Variants in KIF13A observed in about 807,000 individuals in gnomAD.
The protein encoded by KIF13A is kinesin-like protein KIF13A.
A neutral mutation model predicts 212.2 loss-of-function variants in KIF13A; 79 were observed. The observed-to-expected ratio is 0.37, with a 90% CI of 0.31 to 0.45. The LOEUF (loss-of-function observed/expected upper bound fraction) is 0.45. Among genes scored for constraint, KIF13A ranks in the 20% least tolerant of loss-of-function variants. KIF13A has a pLI of 1.00. For missense variants in KIF13A, 1,901 were observed against 2,209.0 expected, an observed-to-expected ratio of 0.86 and a Z score of 2.79; for synonymous variants, 789 against 808.6, an observed-to-expected ratio of 0.98 and a Z score of 0.41.
Position 17,772,080 on chromosome 6 carries a change from T to G in KIF13A, c.4325-21A>C, listed in dbSNP as rs767041123. ...ACAACCTAGGGAAGATGAGAAGTTA[T>G]GAGGTTACAGATGCTGAACACTTTA... On this transcript the variant is annotated intron_variant, in intron 36 of 38. Coordinates refer to ENST00000259711, the MANE Select transcript of KIF13A (RefSeq NM_022113.6). This position sits in a 1 kb window ranked among gnomAD's most constrained non-coding sequence, Gnocchi z 4.8. 2.5e-6 allele frequency: 4 copies of G among 1,612,776 alleles called. No individual in the cohort carries two copies. Among genetic ancestry groups the G allele is most frequent in the Non-Finnish European group, 3.4e-6 (4 of 1,179,008 alleles).
rs777912527 is a variant in KIF13A, at chr6:17,796,789, A to C, written c.2822T>G (p.Leu941Arg). 1.3e-6 allele frequency: 2 copies of C among 1,575,726 alleles called. No individual in the cohort carries two copies. The highest frequency in any genetic ancestry group is 4.8e-5 in the East Asian group (2 of 41,970). The change falls in exon 23 of 39, where the codon CTG becomes CGG. Residue 941 changes from leucine (L) to arginine (R), a missense_variant. Transcript: ENST00000259711. ...DYVVNVTEEF[L>R]EFISDGALAI... ...CAGTGCTCCATCTGAAATGAACTCCAGAAATTCTTCTGTTACATTCACCAC... is the reference window on the plus strand; with the variant it reads ...CAGTGCTCCATCTGAAATGAACTCCCGAAATTCTTCTGTTACATTCACCAC...
chr6:17,951,027 G>T lies in KIF13A; in HGVS notation c.146+36027C>A. On this transcript the variant is annotated intron_variant, in intron 2 of 38. Coordinates refer to ENST00000259711, the MANE Select transcript of KIF13A (RefSeq NM_022113.6). This position sits in a 1 kb window ranked among gnomAD's most constrained non-coding sequence, Gnocchi z 4.9. ...TGAACATAAATGACTAAATATATGGGCTATCACAAACCCACTTTAGTAGTA... is the reference window on the plus strand; with the variant it reads ...TGAACATAAATGACTAAATATATGGTCTATCACAAACCCACTTTAGTAGTA... 1 of 1,009,354 alleles carries T rather than the reference G, an allele frequency of 9.9e-7. No homozygotes were observed. The highest frequency in any genetic ancestry group is 1.2e-6 in the Non-Finnish European group (1 of 843,262). The allele number at this position is 1,009,354 out of a possible 1,614,324, so 62.5% of individuals were successfully genotyped here.
chr6:17,951,058 A>C lies in KIF13A; in HGVS notation c.146+35996T>G. 1.9e-6 allele frequency: 2 copies of C among 1,051,584 alleles called. No homozygotes were observed. The highest frequency in any genetic ancestry group is 2.3e-6 in the Non-Finnish European group (2 of 873,048). The allele number at this position is 1,051,584 out of a possible 1,614,324, so 65.1% of individuals were successfully genotyped here. ...ACAAACCCACTTTAGTAGTACACCTAAGGACACCTAAGGAATTGTACTTAT... is the reference window on the plus strand; with the variant it reads ...ACAAACCCACTTTAGTAGTACACCTCAGGACACCTAAGGAATTGTACTTAT... On this transcript the variant is annotated intron_variant, in intron 2 of 38. Coordinates refer to ENST00000259711, the MANE Select transcript of KIF13A (RefSeq NM_022113.6). The surrounding 1 kb of genome is among the most constrained non-coding windows in gnomAD (Gnocchi z 4.9).
intron 19 of KIF13A, among the ~76,000 whole-genome samples, chr6:17,804,811 TAAAAAAAAAAAAAAAAAAAA>T (rs56785510): frequency 1.7e-4 from 4 of 23,294 alleles, no homozygotes; most frequent in East Asian, 6.1e-3. Flanking sequence ...CTGTCTCCAT[TAAAAAAAAAAAAAAAAAAAA>T]AAAAAAAAAA....
rs1464575765 is a variant in KIF13A at position 17,971,020 on chromosome 6, A to G, written c.146+16034T>C. On this transcript the variant is annotated intron_variant, in intron 2 of 38. Coordinates refer to ENST00000259711, the MANE Select transcript of KIF13A (RefSeq NM_022113.6). The surrounding 1 kb of genome is among the most constrained non-coding windows in gnomAD (Gnocchi z 4.2). ...GGCTTTTAAAAAGATTGGTGAGGTT[A>G]TTTCAATACATCAAAATACAAAAAC... Among the ~76,000 whole-genome samples, 1 of 152,242 alleles carries G rather than the reference A, an allele frequency of 6.6e-6. No individual in the cohort carries two copies. Among genetic ancestry groups the G allele is most frequent in the Non-Finnish European group, 1.5e-5 (1 of 68,036 alleles).
At position 17,769,726 on chromosome 6, in the gene KIF13A, A is replaced by G. The variant is rs982342115; in HGVS notation, c.4581+1388T>C. ...GTCATGCCAATAAACAGATCCAATC[A>G]GACACAGAGCCAGAGAATTGGCAGG... is the stretch of plus-strand genomic sequence containing the variant. On this transcript the variant is annotated intron_variant, in intron 38 of 38. Coordinates refer to ENST00000259711, the MANE Select transcript of KIF13A (RefSeq NM_022113.6). The surrounding 1 kb of genome is among the most constrained non-coding windows in gnomAD (Gnocchi z 5.8). Among the ~76,000 whole-genome samples, 11 of 152,208 alleles carry G rather than the reference A, an allele frequency of 7.2e-5. No individual in the cohort carries two copies. Among genetic ancestry groups the G allele is most frequent in the African/African-American group, 2.7e-4 (11 of 41,450 alleles).
At chr6:17,840,219 T>C (rs1014331494) in intron 9 of KIF13A, among the ~76,000 whole-genome samples, 1 of 152,118 alleles carries the variant, frequency 6.6e-6, no homozygotes, top group African/African-American at 2.4e-5. Flanking sequence ...TGGTGAATTA[T>C]ATTGTATGTG....
intron 2 of KIF13A, among the ~76,000 whole-genome samples, chr6:17,975,335 T>A (rs1780260901): frequency 6.6e-6 from 1 of 152,080 alleles, no homozygotes; most frequent in Admixed American, 6.5e-5. Flanking sequence ...GTTCTTGGTC[T>A]CACTAACTTC....
At chr6:17,921,839 G>C (rs1446445612) in intron 2 of KIF13A, among the ~76,000 whole-genome samples, 2 of 152,148 alleles carry the variant, frequency 1.3e-5, no homozygotes, top group East Asian at 1.9e-4. Flanking sequence ...TCCCCCAGTA[G>C]AAGTTTTGTT....
At chr6:17,901,014 C>T (rs1247601891) in intron 2 of KIF13A, among the ~76,000 whole-genome samples, 1 of 143,956 alleles carries the variant, frequency 6.9e-6, no homozygotes, top group African/African-American at 2.6e-5. Flanking sequence ...GGAGGCGGAG[C>T]TTGCAGTGAG....
intron 4 of KIF13A, among the ~76,000 whole-genome samples, chr6:17,858,361 G>T (rs1768365011): frequency 6.6e-6 from 1 of 152,094 alleles, no homozygotes; most frequent in Admixed American, 6.5e-5. Flanking sequence ...AGTACCTTAA[G>T]ATCTGTATGC....
Position 17,764,679 on chromosome 6 carries a change from T to G in KIF13A, c.4849A>C (p.Ser1617Arg), listed in dbSNP as rs1343879993. 6.2e-7 allele frequency: 1 copy of G among 1,613,628 alleles called. No homozygotes were observed. Among genetic ancestry groups the G allele is most frequent in the African/African-American group, 1.3e-5 (1 of 74,906 alleles). The change falls in exon 39 of 39, where the codon AGT (serine) becomes CGT (arginine). Residue 1617 changes from serine to arginine, a missense_variant. Physicochemically the swap from Ser to Arg is moderately radical, Grantham distance 110 (BLOSUM62 -1). Coordinates refer to ENST00000259711, the MANE Select transcript of KIF13A (RefSeq NM_022113.6). This position sits in a 1 kb window ranked among gnomAD's most constrained non-coding sequence, Gnocchi z 5.1. ...ATGGCCAGCTGGTCTGAGCTGTCAC[T>G]AGAAGGGACCACCATGTCAGACAGG... ...ATLSDMVVPS[S>R]DSSDQLAIQT...
At chr6:17,937,340 C>A (rs1776552353) in intron 2 of KIF13A, among the ~76,000 whole-genome samples, 1 of 152,188 alleles carries the variant, frequency 6.6e-6, no homozygotes, top group Non-Finnish European at 1.5e-5. Context: ...AGAAAGCACA[C>A]CCTCAATATA....
At position 17,777,386 on chromosome 6, in the gene KIF13A, T is replaced by C. The variant is rs1359730356; in HGVS notation, c.4093-32A>G. ...ACATAATAATTTGAAAATAACACTT[T>C]TTTTTTTTTTCCCCAGAGACAGAGT... On this transcript the variant is annotated intron_variant, in intron 33 of 38. Coordinates refer to ENST00000259711, the MANE Select transcript of KIF13A (RefSeq NM_022113.6). This position sits in a 1 kb window ranked among gnomAD's most constrained non-coding sequence, Gnocchi z 4.4. The C allele has an allele frequency of 1.3e-5, 20 of 1,524,696 alleles. No homozygotes were observed. Among genetic ancestry groups the C allele is most frequent in the Non-Finnish European group, 1.7e-5 (19 of 1,117,470 alleles). The allele number at this position is 1,524,696 out of a possible 1,614,324, so 94.4% of individuals were successfully genotyped here.
At chr6:17,845,691 C>T (rs1248067281) in intron 9 of KIF13A, among the ~76,000 whole-genome samples, 1 of 152,220 alleles carries the variant, frequency 6.6e-6, no homozygotes, top group South Asian at 2.1e-4. Flanking sequence ...CCTCATTCCA[C>T]CTTCACTAGA....
chr6:17,766,827 T>C (rs902420307), intron 38 of KIF13A, among the ~76,000 whole-genome samples: 2 of 152,226 alleles, frequency 1.3e-5, no homozygotes, highest in African/African-American at 2.4e-5. Context: ...TTTAGATTAA[T>C]AGTAATATTT....
rs573255419 is a variant in KIF13A at position 17,829,578 on chromosome 6, G to A, written c.1402-1208C>T. Among the ~76,000 whole-genome samples, 4 of 152,310 alleles carry A rather than the reference G, an allele frequency of 2.6e-5. No homozygotes were observed. Among genetic ancestry groups the A allele is most frequent in the African/African-American group, 9.6e-5 (4 of 41,562 alleles). ...CCTGAACCTCAGACATACGAGGACTGTGACTATTGGTGATTCAGCCACTGC... is the reference window on the plus strand; with the variant it reads ...CCTGAACCTCAGACATACGAGGACTATGACTATTGGTGATTCAGCCACTGC... On this transcript the variant is annotated intron_variant, in intron 13 of 38. Transcript: ENST00000259711. The surrounding 1 kb of genome is among the most constrained non-coding windows in gnomAD (Gnocchi z 5.4).
At chr6:17,879,801 A>G (rs1770895009) in intron 3 of KIF13A, among the ~76,000 whole-genome samples, 1 of 152,202 alleles carries the variant, frequency 6.6e-6, no homozygotes, top group African/African-American at 2.4e-5. Flanking sequence ...CCAAAATGTA[A>G]TTATATGAAT....
Position 17,898,185 on chromosome 6 carries a change from A to G in KIF13A, c.147-5T>C, listed in dbSNP as rs370584374. The G allele has an allele frequency of 2.5e-6, 4 of 1,612,962 alleles. No individual in the cohort carries two copies. The highest frequency in any genetic ancestry group is 3.4e-6 in the Non-Finnish European group (4 of 1,179,420). On this transcript the variant is annotated splice_region_variant and splice_polypyrimidine_tract_variant and intron_variant, in intron 2 of 38. Transcript: ENST00000259711. This position sits in a 1 kb window ranked among gnomAD's most constrained non-coding sequence, Gnocchi z 5.2. ...GTGCTTACCTTGGGAGGTTTCCTTAATGATGGGAAAAAAAAAATTCAGCAG... is the reference window on the plus strand; with the variant it reads ...GTGCTTACCTTGGGAGGTTTCCTTAGTGATGGGAAAAAAAAAATTCAGCAG...
Sources: allele counts gnomAD v4.1 joint callset (sites outside exome capture counted in the v4.1 genomes callset), GRCh38; gene constraint gnomAD v4.1.1; non-coding constraint Gnocchi (gnomAD v3.1); transcripts MANE v1.5; gene names NCBI Gene and HGNC (gene_info 2026-07-23, HGNC 2026-07-21).